CAST: variants seen among roughly 807,000 people sequenced by gnomAD.
The protein encoded by CAST is calpastatin.
CAST carries 76 observed loss-of-function variants against 119.6 expected under a neutral mutation model. The observed-to-expected ratio is 0.64, with a 90% CI of 0.53 to 0.77. The LOEUF is 0.77. Ranked by LOEUF, CAST falls within the 30% of genes least tolerant of loss-of-function variation. CAST has a pLI of 0.00. For synonymous variants in CAST, 319 were observed against 331.6 expected, an observed-to-expected ratio of 0.96 and a Z score of 0.41; for missense variants, 953 against 946.5, an observed-to-expected ratio of 1.01 and a Z score of -0.09.
intron 2 of CAST, among the ~76,000 whole-genome samples, chr5:96,677,183 T>C (rs190455619): frequency 1.3e-5 from 2 of 152,342 alleles, no homozygotes; most frequent in East Asian, 1.9e-4. Flanking sequence ...TTGAAAACCA[T>C]TGTGTTCTTT....
At chr5:96,395,051 A>G in the CAST span, 3 of 1,553,556 alleles carry the variant, frequency 1.9e-6, no homozygotes, top group Non-Finnish European at 2.7e-6. Flanking sequence ...ACCTACATTT[A>G]GTATGTGTTT....
the CAST span, among the ~76,000 whole-genome samples, chr5:96,227,251 G>C: frequency 6.6e-6 from 1 of 152,294 alleles, no homozygotes; most frequent in East Asian, 1.9e-4. Context: ...ATGTTAGTTG[G>C]ACAAATTCAA....
the CAST span, among the ~76,000 whole-genome samples, chr5:96,356,950 C>T: frequency 1.3e-5 from 2 of 152,176 alleles, no homozygotes; most frequent in African/African-American, 4.8e-5. Flanking sequence ...AATATTGATT[C>T]TTCCTATCCT....
chr5:96,407,004 T>A, the CAST span, among the ~76,000 whole-genome samples: 1 of 152,188 alleles, frequency 6.6e-6, no homozygotes, highest in Non-Finnish European at 1.5e-5. Flanking sequence ...AAAAAAAAGT[T>A]AAATCTTTTT....
the CAST span, among the ~76,000 whole-genome samples, chr5:96,155,598 C>T: frequency 1.3e-5 from 2 of 152,104 alleles, no homozygotes; most frequent in Non-Finnish European, 2.9e-5. Context: ...ATGCCTGGGG[C>T]TCACACAGCG....
intron 1 of CAST, among the ~76,000 whole-genome samples, chr5:96,558,831 G>C (rs1027548887): frequency 1.3e-5 from 2 of 152,196 alleles, no homozygotes; most frequent in African/African-American, 2.4e-5. Context: ...AATAGAAATA[G>C]AGGGAATCCT....
chr5:96,427,238 G>C, the CAST span, among the ~76,000 whole-genome samples: 3 of 152,142 alleles, frequency 2.0e-5, no homozygotes, highest in African/African-American at 7.2e-5. Context: ...GATATAAGAG[G>C]AGGCACTCTG....
the CAST span, among the ~76,000 whole-genome samples, chr5:96,277,106 T>C: frequency 0.11 from 17,033 of 152,244 alleles, 1,116 homozygotes; most frequent in East Asian, 0.21. Flanking sequence ...TTTAGGTTAT[T>C]TTCCATTTTC....
chr5:96,051,224 G>C, the CAST span, among the ~76,000 whole-genome samples: 125 of 152,258 alleles, frequency 8.2e-4, no homozygotes, highest in African/African-American at 2.7e-3. Context: ...GACACACAGA[G>C]AGAGAGAGAG....
At chr5:96,488,960 C>T in the CAST span, among the ~76,000 whole-genome samples, 1 of 152,100 alleles carries the variant, frequency 6.6e-6, no homozygotes, top group Non-Finnish European at 1.5e-5. Flanking sequence ...TACCAAGGAC[C>T]ACAAAGGGCA....
chr5:96,542,439 G>A (rs569107972), intron 1 of CAST, among the ~76,000 whole-genome samples: 1 of 140,264 alleles, frequency 7.1e-6, no homozygotes, highest in African/African-American at 2.6e-5. Flanking sequence ...ATCCTCACCA[G>A]CATTTGGTAT....
At chr5:96,757,687 G>GTTTTTTTTTTTTTTTTTTTTTTTAT in intron 24 of CAST, 33 bp downstream of exon 24, 1 of 998,252 alleles carries the variant, frequency 1.0e-6, no homozygotes, top group Non-Finnish European at 1.4e-6. Flanking sequence ...TATTTCTTTA[G>GTTTTTTTTTTTTTTTTTTTTTTTAT]TTTTTTTTTT....
intron 1 of CAST, among the ~76,000 whole-genome samples, chr5:96,549,513 G>T (rs1489517118): frequency 6.6e-6 from 1 of 152,188 alleles, no homozygotes; most frequent in African/African-American, 2.4e-5. Context: ...TCCAACTGAG[G>T]TACCTGGTTC....
the CAST span, among the ~76,000 whole-genome samples, chr5:96,481,155 T>G: frequency 4.0e-5 from 6 of 151,780 alleles, no homozygotes; most frequent in Non-Finnish European, 1.5e-5. Context: ...AAATAATCAC[T>G]AACACTCACT....
the CAST span, among the ~76,000 whole-genome samples, chr5:96,376,064 T>C: frequency 2.6e-5 from 4 of 151,426 alleles, no homozygotes; most frequent in South Asian, 6.2e-4. Context: ...TACTCATTTT[T>C]TTTTCTTTTC....
At chr5:96,451,462 C>G in the CAST span, among the ~76,000 whole-genome samples, 4 of 152,030 alleles carry the variant, frequency 2.6e-5, no homozygotes, top group Non-Finnish European at 5.9e-5. Context: ...GAAACTGGAC[C>G]CCTTCCTTAC....
the CAST span, among the ~76,000 whole-genome samples, chr5:95,998,924 AT>A: frequency 6.6e-6 from 1 of 151,960 alleles, no homozygotes; most frequent in East Asian, 1.9e-4. Flanking sequence ...GTTTTTTGAC[AT>A]TTTAATAATA....
the CAST span, among the ~76,000 whole-genome samples, chr5:95,962,536 A>G: frequency 6.6e-6 from 1 of 152,064 alleles, no homozygotes; most frequent in Admixed American, 6.5e-5. Flanking sequence ...CCTTGAAATT[A>G]GTGAGTCGAC....
At chr5:96,261,587 G>A in the CAST span, among the ~76,000 whole-genome samples, 1 of 152,166 alleles carries the variant, frequency 6.6e-6, no homozygotes, top group Admixed American at 6.5e-5. Context: ...ACTCTTAGAG[G>A]CCTTCCTGGA....
Sources: allele counts gnomAD v4.1 joint callset (sites outside exome capture counted in the v4.1 genomes callset), GRCh38; gene constraint gnomAD v4.1.1; transcripts MANE v1.5; gene names NCBI Gene and HGNC (gene_info 2026-07-23, HGNC 2026-07-21).